SLC39A9: variants seen among roughly 807,000 people sequenced by gnomAD.
The protein encoded by SLC39A9 is zinc transporter ZIP9.
Under a neutral mutation model 28.4 loss-of-function variants are expected in SLC39A9, and 14 were observed. The ratio of observed to expected loss-of-function variants is 0.49; its 90% CI spans 0.33 to 0.77. The LOEUF (loss-of-function observed/expected upper bound fraction) is 0.77, where lower values mean the gene tolerates loss of function less well. Ranked by LOEUF, SLC39A9 falls within the 30% of genes least tolerant of loss-of-function variation. SLC39A9 has a pLI of 0.02. For missense variants in SLC39A9, 283 were observed against 381.1 expected (o/e 0.74, Z 2.14); for synonymous variants, 119 against 149.6 (o/e 0.80, Z 1.49).
intron 2 of SLC39A9, among the ~76,000 whole-genome samples, chr14:69,431,744 A>G (rs1304138978): frequency 6.6e-6 from 1 of 151,952 alleles, no homozygotes; most frequent in Non-Finnish European, 1.5e-5. Flanking sequence ...CCCAGTTTCT[A>G]TTATTGCCAT....
chr14:69,418,878 A>G (rs1297272286), intron 1 of SLC39A9, among the ~76,000 whole-genome samples: 1 of 151,746 alleles, frequency 6.6e-6, no homozygotes, highest in Non-Finnish European at 1.5e-5. Flanking sequence ...TTTTTATTGC[A>G]TCTATTTGAT....
In SLC39A9 at chr14:69,456,722, G is replaced by A. The variant is rs569115111; in HGVS notation, c.693+856G>A. Among the ~76,000 whole-genome samples the A allele has an allele frequency of 3.9e-5, 6 of 152,186 alleles. No individual in the cohort carries two copies. In the South Asian group the frequency reaches 6.2e-4, roughly 16 times the overall value. On this transcript the variant is annotated intron_variant, in intron 6 of 6. Transcript: ENST00000336643. ...GAAGCAAACTGACTCAGGGCTAGTT[G>A]ATGGGAACTGCTTTCCCCAACACCC...
chr14:69,442,547 C>A (rs1885099417), intron 3 of SLC39A9, among the ~76,000 whole-genome samples: 1 of 152,100 alleles, frequency 6.6e-6, no homozygotes, highest in African/African-American at 2.4e-5. Flanking sequence ...TGCTGTGGAG[C>A]CCTTAGGCAG....
At chr14:69,450,440 C>T (rs189208321) in intron 3 of SLC39A9, among the ~76,000 whole-genome samples, 3 of 152,060 alleles carry the variant, frequency 2.0e-5, no homozygotes, top group South Asian at 2.1e-4. Flanking sequence ...TTCCATTTAA[C>T]GAATGATTTT....
chr14:69,447,729 T>C (rs1885401990), intron 3 of SLC39A9, among the ~76,000 whole-genome samples: 1 of 150,876 alleles, frequency 6.6e-6, no homozygotes. Context: ...CTGGGCAACA[T>C]GTCAAAACCT....
rs760097257 is a variant in SLC39A9 at position 69,458,542 on chromosome 14, G to C, written c.873G>C (p.Leu291=). 3.1e-6 allele frequency: 5 copies of C among 1,614,152 alleles called. No individual in the cohort carries two copies. The East Asian group carries it at 1.1e-4, about 36-fold the overall frequency. ...TCAGCCGCCTGGAAGTGGCAGCCCT[G>C]GTTCTGGGTTGCCTCATCCCTCTCA... ...RGLSRLEVAA[L]VLGCLIPLIL... Residue 291 remains leucine (L), a synonymous_variant, in exon 7 of 7, where the codon CTG becomes CTC. Transcript: ENST00000336643.
chr14:69,407,024 G>A (rs1178032256), intron 1 of SLC39A9, among the ~76,000 whole-genome samples: 1 of 150,836 alleles, frequency 6.6e-6, no homozygotes, highest in Non-Finnish European at 1.5e-5. Context: ...CTAATTTTTT[G>A]TATTTTTAGT....
At chr14:69,427,200 C>A (rs1884245786) in intron 2 of SLC39A9, among the ~76,000 whole-genome samples, 1 of 151,800 alleles carries the variant, frequency 6.6e-6, no homozygotes, top group African/African-American at 2.4e-5. Flanking sequence ...GACAGGATTT[C>A]ACCATGTTGC....
rs529989100 is a variant in SLC39A9 at position 69,413,311 on chromosome 14, A to G, written c.97-10783A>G. On this transcript the variant is annotated intron_variant, in intron 1 of 6. Coordinates refer to ENST00000336643, the MANE Select transcript of SLC39A9 (RefSeq NM_018375.5). ...GTGGAGCTTGCAGTGAGCCAAGATC[A>G]TGCCACTGCACTCCAGCCTGGGCAA... Among the ~76,000 whole-genome samples the G allele has an allele frequency of 2.1e-3, 312 of 152,134 alleles. 2 individuals are homozygous for G. The highest frequency in any genetic ancestry group is 7.3e-3 in the African/African-American group (304 of 41,504).
At chr14:69,404,982 A>G (rs1882837092) in intron 1 of SLC39A9, among the ~76,000 whole-genome samples, 1 of 152,210 alleles carries the variant, frequency 6.6e-6, no homozygotes, top group South Asian at 2.1e-4. Context: ...CAATCATGGC[A>G]GAAGAGGAGG....
intron 1 of SLC39A9, among the ~76,000 whole-genome samples, chr14:69,412,416 A>AATAAATAAATAG (rs1883325488): frequency 1.3e-5 from 2 of 151,160 alleles, no homozygotes; most frequent in African/African-American, 4.8e-5. Context: ...TAAATAAATA[A>AATAAATAAATAG]ATAAATAAAT....
chr14:69,447,738 C>G (rs1885402612), intron 3 of SLC39A9, among the ~76,000 whole-genome samples: 2 of 151,764 alleles, frequency 1.3e-5, no homozygotes, highest in African/African-American at 4.8e-5. Flanking sequence ...ATGTCAAAAC[C>G]TTTTTTCTAC....
chr14:69,415,503 T>C (rs965508455), intron 1 of SLC39A9, among the ~76,000 whole-genome samples: 1 of 152,212 alleles, frequency 6.6e-6, no homozygotes, highest in South Asian at 2.1e-4. Flanking sequence ...AGAAGTTCTT[T>C]CTACTTCAAA....
intron 1 of SLC39A9, among the ~76,000 whole-genome samples, chr14:69,402,264 A>G (rs1358798811): frequency 6.6e-6 from 1 of 152,218 alleles, no homozygotes; most frequent in Non-Finnish European, 1.5e-5. Flanking sequence ...TAATGTTTTA[A>G]GAAAGTTTAT....
At chr14:69,447,228 T>C (rs1051313864) in intron 3 of SLC39A9, among the ~76,000 whole-genome samples, 7 of 152,182 alleles carry the variant, frequency 4.6e-5, no homozygotes, top group African/African-American at 1.7e-4. Context: ...ATTCTGCTTT[T>C]GATATGACCA....
At chr14:69,403,904 G>A (rs1305998290) in intron 1 of SLC39A9, among the ~76,000 whole-genome samples, 2 of 152,150 alleles carry the variant, frequency 1.3e-5, no homozygotes, top group African/African-American at 2.4e-5. Flanking sequence ...TTATTTGGGC[G>A]TGGTGGCACG....
intron 2 of SLC39A9, among the ~76,000 whole-genome samples, chr14:69,427,989 A>C (rs1461868982): frequency 5.3e-5 from 8 of 152,210 alleles, no homozygotes; most frequent in Non-Finnish European, 2.9e-5. Flanking sequence ...GTTTACAAAA[A>C]GTTTATGGGG....
rs75737741 is a variant in SLC39A9, at chr14:69,430,895, T to G, written c.205+6693T>G. Among the ~76,000 whole-genome samples the G allele has an allele frequency of 5.5e-3, 840 of 152,308 alleles. 6 individuals are homozygous for G. Among genetic ancestry groups the G allele is most frequent in the African/African-American group, 0.019 (797 of 41,572 alleles). ...GACCCTCCTACCTTGGCTGGGGTTA[T>G]AGGTGTGAGCCACCCCAGCCAGCCC... On this transcript the variant is annotated intron_variant, in intron 2 of 6. Transcript: ENST00000336643.
At chr14:69,414,829 A>T (rs1460379750) in intron 1 of SLC39A9, among the ~76,000 whole-genome samples, 1 of 152,178 alleles carries the variant, frequency 6.6e-6, no homozygotes, top group African/African-American at 2.4e-5. Flanking sequence ...AGAGGCAGTC[A>T]CTGTTCTGAT....
Sources: allele counts gnomAD v4.1 joint callset (sites outside exome capture counted in the v4.1 genomes callset), GRCh38; gene constraint gnomAD v4.1.1; transcripts MANE v1.5; gene names NCBI Gene and HGNC (gene_info 2026-07-23, HGNC 2026-07-21).